The following P2RY12 variants were observed in gnomAD, a reference collection of about 807,000 sequenced individuals.
The protein encoded by P2RY12 is P2Y purinoceptor 12.
In P2RY12, 3 loss-of-function variants were observed where a neutral mutation model predicts 4.5. The observed-to-expected ratio is 0.67, with a 90% CI of 0.31 to 1.74. P2RY12 has a LOEUF of 1.74. Ranked by LOEUF, P2RY12 falls within the 40% of genes most tolerant of loss-of-function variation. P2RY12 has a pLI of 0.09. For synonymous variants in P2RY12, 148 were observed against 154.1 expected, an observed-to-expected ratio of 0.96 and a Z score of 0.29; for missense variants, 356 against 407.8, an observed-to-expected ratio of 0.87 and a Z score of 1.09.
At chr3:151,347,705 G>A (rs1752702301) in intron 1 of P2RY12, among the ~76,000 whole-genome samples, 5 of 152,140 alleles carry the variant, frequency 3.3e-5, no homozygotes, top group Admixed American at 3.3e-4. Context: ...CAGAGGAGGA[G>A]GGGAAGTCTA....
chr3:151,368,760 ATT>A (rs201834162), intron 1 of P2RY12, among the ~76,000 whole-genome samples: 1 of 80,308 alleles, frequency 1.2e-5, no homozygotes, highest in African/African-American at 4.6e-5. Context: ...ATGTCATTTC[ATT>A]TTTTTTTTTT....
At chr3:151,376,187 A>G (rs559878554) in intron 1 of P2RY12, 1 of 1,595,460 alleles carries the variant, frequency 6.3e-7, no homozygotes, top group Middle Eastern at 1.7e-4. Context: ...ACAATCTGCA[A>G]AGACAGCACA....
chr3:151,340,444 A>G (rs1751667566), intron 2 of P2RY12, among the ~76,000 whole-genome samples, 152 bp downstream of exon 2: 1 of 152,174 alleles, frequency 6.6e-6, no homozygotes. Flanking sequence ...CACTAATTAG[A>G]CTTCTATTTT....
intron 1 of P2RY12, among the ~76,000 whole-genome samples, chr3:151,368,769 T>TC (rs1396573208): frequency 7.0e-6 from 1 of 143,774 alleles, no homozygotes; most frequent in Non-Finnish European, 1.5e-5. Flanking sequence ...CATTTTTTTT[T>TC]TTTTTTTTCC....
At chr3:151,358,526 G>A (rs1189524655) in intron 1 of P2RY12, among the ~76,000 whole-genome samples, 1 of 152,004 alleles carries the variant, frequency 6.6e-6, no homozygotes, top group African/African-American at 2.4e-5. Context: ...AAACCCATTA[G>A]TTGGTCATGA....
At chr3:151,377,038 A>C (rs768989827) in intron 1 of P2RY12, 1 of 1,614,074 alleles carries the variant, frequency 6.2e-7, no homozygotes, top group Non-Finnish European at 8.5e-7. Context: ...ACAATATTGC[A>C]AAGGCAACAA....
At chr3:151,383,775 C>T in intron 1 of P2RY12, 1 of 1,599,408 alleles carries the variant, frequency 6.3e-7, no homozygotes, top group South Asian at 1.1e-5. Flanking sequence ...ATTTTGTCTG[C>T]TAGGTAGGAG....
At chr3:151,358,020 A>T (rs1336657181) in intron 1 of P2RY12, among the ~76,000 whole-genome samples, 1 of 152,134 alleles carries the variant, frequency 6.6e-6, no homozygotes, top group Admixed American at 6.5e-5. Flanking sequence ...TTTTATTTAA[A>T]CACAGAAAGA....
Position 151,354,140 on chromosome 3 carries a change from C to CAAAA in P2RY12, c.-179-13384_-179-13381dup, listed in dbSNP as rs63033360. Among the ~76,000 whole-genome samples, 315 of 62,818 alleles carry CAAAA rather than the reference C, an allele frequency of 5.0e-3. 21 individuals carry two copies. The highest frequency in any genetic ancestry group is 0.015 in the South Asian group (20 of 1,320). 41.2% of individuals were successfully genotyped at this position (62,818 alleles called of 152,430 possible). Reference sequence around the variant, plus strand: ...TGGGCGACAGAGCGAGACTCCGTCTCAAAAAAAAAAAAAAAAAAAAAAAAG... The same window carrying CAAAA: ...TGGGCGACAGAGCGAGACTCCGTCTCAAAAAAAAAAAAAAAAAAAAAAAAAAAAG... On this transcript the variant is annotated intron_variant, in intron 1 of 2. Transcript: ENST00000302632.
chr3:151,368,973 G>A (rs1490491224), intron 1 of P2RY12, among the ~76,000 whole-genome samples: 1 of 151,972 alleles, frequency 6.6e-6, no homozygotes, highest in Non-Finnish European at 1.5e-5. Flanking sequence ...GTGTTGGCCA[G>A]ACTGGTCTTG....
intron 1 of P2RY12, among the ~76,000 whole-genome samples, 196 bp downstream of exon 1, chr3:151,384,495 AT>A (rs1448562642): frequency 6.6e-6 from 1 of 152,246 alleles, no homozygotes; most frequent in Non-Finnish European, 1.5e-5. Context: ...GAATACTAAC[AT>A]TAGATAGATT....
At chr3:151,374,480 G>A (rs1230713750) in intron 1 of P2RY12, among the ~76,000 whole-genome samples, 5 of 152,140 alleles carry the variant, frequency 3.3e-5, no homozygotes, top group Admixed American at 6.5e-5. Context: ...ACTGGGAGGC[G>A]GAGGTTGCAG....
At chr3:151,375,420 T>C (rs1189324423) in intron 1 of P2RY12, among the ~76,000 whole-genome samples, 2 of 152,158 alleles carry the variant, frequency 1.3e-5, no homozygotes, top group African/African-American at 2.4e-5. Context: ...TTTAAATTGG[T>C]AGAAACTCTT....
chr3:151,384,149 A>G (rs757769299), intron 1 of P2RY12: 3 of 1,614,052 alleles, frequency 1.9e-6, no homozygotes, highest in African/African-American at 1.3e-5. Context: ...CCTCTGACCT[A>G]TCAAATGCAT....
intron 2 of P2RY12, among the ~76,000 whole-genome samples, chr3:151,340,133 T>A (rs895760974): frequency 6.6e-6 from 1 of 152,156 alleles, no homozygotes; most frequent in South Asian, 2.1e-4. Flanking sequence ...TTTAAAATAA[T>A]GCTAAACAAA....
At position 151,337,962 on chromosome 3, in the gene P2RY12, G is replaced by C; in HGVS notation, c.884C>G (p.Pro295Arg). ...CTTGCAAAGGAAAAAATAGATGAAC[G>C]GATCCAGGCATGCATTTAAGGAAGT... is the stretch of plus-strand genomic sequence containing the variant. The part of the protein sequence containing the change: ...WLTSLNACLD[P>R]FIYFFLCKSF... The change falls in exon 3 of 3, where the codon CCG becomes CGG. Residue 295 changes from proline (P) to arginine (R), a missense_variant. Coordinates refer to ENST00000302632, the MANE Select transcript of P2RY12 (RefSeq NM_022788.5). 1 of 1,614,056 alleles carries C rather than the reference G, an allele frequency of 6.2e-7. No individual in the cohort carries two copies. The highest frequency in any genetic ancestry group is 8.5e-7 in the Non-Finnish European group (1 of 1,179,996).
chr3:151,362,880 TA>T (rs2150088592), intron 1 of P2RY12, among the ~76,000 whole-genome samples: 1 of 152,324 alleles, frequency 6.6e-6, no homozygotes, highest in Non-Finnish European at 1.5e-5. Context: ...TGTCACAATT[TA>T]AAAATACTTA....
intron 1 of P2RY12, among the ~76,000 whole-genome samples, chr3:151,342,753 T>C (rs1255307714): frequency 1.3e-5 from 2 of 152,248 alleles, no homozygotes; most frequent in African/African-American, 2.4e-5. Flanking sequence ...TTTTTAAATA[T>C]GACTATTGTA....
chr3:151,382,313 C>G, intron 1 of P2RY12, among the ~76,000 whole-genome samples: 1 of 152,302 alleles, frequency 6.6e-6, no homozygotes, highest in East Asian at 1.9e-4. Flanking sequence ...ATGTAATTCT[C>G]TCTCTCCAGT....
Sources: allele counts gnomAD v4.1 joint callset (sites outside exome capture counted in the v4.1 genomes callset), GRCh38; gene constraint gnomAD v4.1.1; transcripts MANE v1.5; gene names NCBI Gene and HGNC (gene_info 2026-07-23, HGNC 2026-07-21).